The following ARID1B variants were observed in gnomAD, a reference collection of about 807,000 sequenced individuals.
The protein encoded by ARID1B is AT-rich interactive domain-containing protein 1B.
A neutral mutation model predicts 212.3 loss-of-function variants in ARID1B; 30 were observed. The ratio of observed to expected loss-of-function variants is 0.14; its 90% CI spans 0.11 to 0.19. ARID1B has a LOEUF of 0.19. ARID1B is among the 10% of genes least tolerant of loss of function. The pLI is 1.00. For missense variants in ARID1B, 2,891 were observed against 3,204.0 expected (o/e 0.90, Z 2.36); for synonymous variants, 1,402 against 1,301.7 (o/e 1.08, Z -1.66).
chr6:156,831,826 C>T (rs966343770), intron 2 of ARID1B, among the ~76,000 whole-genome samples: 1 of 151,998 alleles, frequency 6.6e-6, no homozygotes, highest in African/African-American at 2.4e-5. Context: ...AAAGAAATAC[C>T]CAATTCTAAT....
chr6:156,918,670 GACA>G (rs1790547173), intron 3 of ARID1B, among the ~76,000 whole-genome samples: 1 of 152,184 alleles, frequency 6.6e-6, no homozygotes, highest in Admixed American at 6.5e-5. Flanking sequence ...CATCCGAGGA[GACA>G]ACTTCTGGGT....
intron 4 of ARID1B, chr6:156,938,450 A>G (rs1792429765): frequency 6.6e-6 from 1 of 152,060 alleles, no homozygotes; most frequent in African/African-American, 2.4e-5. Flanking sequence ...AGGGATATAA[A>G]TTTTGTCTTT....
intron 4 of ARID1B, among the ~76,000 whole-genome samples, chr6:156,979,213 A>AAT (rs926385621): frequency 2.0e-5 from 3 of 152,192 alleles, no homozygotes; most frequent in African/African-American, 7.2e-5. Context: ...CCTTGCAAAG[A>AAT]ATATATATAT....
intron 2 of ARID1B, among the ~76,000 whole-genome samples, chr6:156,892,045 TTTTTTTTTTTTTTTC>T (rs1448702518): frequency 8.0e-4 from 38 of 47,486 alleles, no homozygotes; most frequent in East Asian, 1.5e-3. Flanking sequence ...CGAATTTTCT[TTTTTTTTTTTTTTTC>T]TTTTTTTTTT....
chr6:156,927,592 C>T (rs980682604), intron 3 of ARID1B, among the ~76,000 whole-genome samples: 1 of 152,164 alleles, frequency 6.6e-6, no homozygotes, highest in Non-Finnish European at 1.5e-5. Context: ...CATTATTTTG[C>T]AGTCATCCTT....
chr6:157,042,498 A>G (rs776493677), intron 4 of ARID1B, among the ~76,000 whole-genome samples: 10 of 152,184 alleles, frequency 6.6e-5, no homozygotes, highest in African/African-American at 2.4e-4. Context: ...AATATTTGAT[A>G]TAAACTATTA....
rs1554255156 is a variant in ARID1B, at chr6:156,818,124, T to TTTTC, written c.1792-11103_1792-11102insTTTC. Among the ~76,000 whole-genome samples, 19 of 133,442 alleles carry TTTTC rather than the reference T, an allele frequency of 1.4e-4. No individual in the cohort carries two copies. In the South Asian group the frequency reaches 1.9e-3, roughly 13 times the overall value. 87.5% of individuals were successfully genotyped at this position (133,442 alleles called of 152,430 possible). A position where few individuals can be genotyped will look rare whatever the true frequency, so the allele number is the denominator to read the frequency against. On this transcript the variant is annotated intron_variant, in intron 1 of 19. Transcript: ENST00000636930. ...TTTTTTTTTTTTTTTTTTTTTTTTT[T>TTTTC]AGAATATAAGATTTGACCATATATT...
intron 2 of ARID1B, among the ~76,000 whole-genome samples, chr6:156,889,861 G>A (rs1448286206): frequency 2.0e-5 from 3 of 152,138 alleles, no homozygotes; most frequent in Non-Finnish European, 2.9e-5. Flanking sequence ...TGCGTTGGTT[G>A]ACTATACATT....
At chr6:156,788,770 C>T (rs535445008) in intron 1 of ARID1B, among the ~76,000 whole-genome samples, 2 of 152,114 alleles carry the variant, frequency 1.3e-5, no homozygotes, top group Non-Finnish European at 2.9e-5. Flanking sequence ...CTAAGAGTAC[C>T]GGGGTCCTCC....
At chr6:156,934,948 A>ATATATATATG (rs1792068000) in intron 3 of ARID1B, among the ~76,000 whole-genome samples, 2 of 91,420 alleles carry the variant, frequency 2.2e-5, no homozygotes, top group South Asian at 6.0e-4. Context: ...ATATATATAT[A>ATATATATATG]TATATATATA....
chr6:156,792,676 G>C (rs1478419301), intron 1 of ARID1B, among the ~76,000 whole-genome samples: 1 of 152,188 alleles, frequency 6.6e-6, no homozygotes, highest in African/African-American at 2.4e-5. Context: ...TTAGCAAAAG[G>C]AGGGGTGCTT....
intron 3 of ARID1B, among the ~76,000 whole-genome samples, chr6:156,925,726 A>G (rs1003530747): frequency 2.0e-5 from 3 of 152,190 alleles, no homozygotes; most frequent in African/African-American, 4.8e-5. Flanking sequence ...TATCTAAACT[A>G]AAAGATTTTT....
At chr6:157,050,233 C>T (rs1336541557) in intron 4 of ARID1B, among the ~76,000 whole-genome samples, 1 of 152,112 alleles carries the variant, frequency 6.6e-6, no homozygotes, top group Non-Finnish European at 1.5e-5. Flanking sequence ...GGAAGAACAA[C>T]AGATAACTCA....
chr6:156,895,719 A>G (rs564551771), intron 2 of ARID1B, among the ~76,000 whole-genome samples: 4 of 150,948 alleles, frequency 2.6e-5, no homozygotes, highest in Non-Finnish European at 5.9e-5. Context: ...TTACAGATAC[A>G]GTATATACAG....
At chr6:157,103,186 A>G (rs953030797) in intron 5 of ARID1B, among the ~76,000 whole-genome samples, 3 of 152,198 alleles carry the variant, frequency 2.0e-5, no homozygotes, top group Non-Finnish European at 4.4e-5. Flanking sequence ...ATGATTACAG[A>G]TGAGTTACAA....
chr6:156,835,239 CAAAA>C (rs58070286), intron 2 of ARID1B, among the ~76,000 whole-genome samples: 5 of 107,622 alleles, frequency 4.6e-5, no homozygotes, highest in African/African-American at 3.6e-5. Flanking sequence ...GACTCTGTCA[CAAAA>C]AAAAAAAAAA....
intron 2 of ARID1B, among the ~76,000 whole-genome samples, chr6:156,858,049 G>A (rs1442878517): frequency 1.3e-5 from 2 of 152,232 alleles, no homozygotes; most frequent in African/African-American, 4.8e-5. Flanking sequence ...AGCCATAGTA[G>A]AGAATGAAAT....
chr6:156,776,333 A>G (rs1778620639), upstream of ARID1B: 2 of 152,196 alleles, frequency 1.3e-5, no homozygotes, highest in Non-Finnish European at 1.5e-5. Context: ...TAAGAGAACA[A>G]AGTATGGAAC....
chr6:157,165,603 TC>T (rs1339596960), intron 8 of ARID1B, among the ~76,000 whole-genome samples: 4 of 152,124 alleles, frequency 2.6e-5, no homozygotes, highest in Non-Finnish European at 5.9e-5. Flanking sequence ...ACACCTGTAA[TC>T]CCAGCACTTT....
Sources: gnomAD v4.1 joint callset for allele counts (sites outside exome capture counted in the v4.1 genomes callset) on GRCh38, gnomAD v4.1.1 for gene constraint, MANE v1.5 for transcripts, NCBI Gene and HGNC (gene_info 2026-07-23, HGNC 2026-07-21) for gene names.